The following CAST variants were observed in gnomAD, a reference collection of about 807,000 sequenced individuals.
CAST encodes calpastatin, also known as MIR583 host.
In CAST, 76 loss-of-function variants were observed where a neutral mutation model predicts 119.6. The observed-to-expected ratio is 0.64, with a 90% CI of 0.53 to 0.77. CAST has a LOEUF of 0.77. Among genes scored for constraint, CAST ranks in the 30% least tolerant of loss-of-function variants. CAST has a pLI of 0.00. For synonymous variants in CAST, 319 were observed against 331.6 expected (o/e 0.96, Z 0.41); for missense variants, 953 against 946.5 (o/e 1.01, Z -0.09).
rs999164367 is a variant in CAST, at chr5:96,688,705, G to A, written c.139-7131G>A. The stretch of plus-strand genomic sequence containing the variant: ...TAAAAATAGGAAAAAACTGAAATTA[G>A]TTGTCTTGGATGACAGGATTTTAAG... On this transcript the variant is annotated intron_variant, in intron 2 of 31. Coordinates refer to ENST00000675179, the MANE Select transcript of CAST (RefSeq NM_001750.7). Among the ~76,000 whole-genome samples, 13 of 152,186 alleles carry A rather than the reference G, an allele frequency of 8.5e-5. No individual in the cohort carries two copies. The East Asian group carries it at 2.5e-3, about 29-fold the overall frequency.
At chr5:96,577,977 T>C (rs1055620395) in intron 1 of CAST, among the ~76,000 whole-genome samples, 1 of 152,196 alleles carries the variant, frequency 6.6e-6, no homozygotes, top group Non-Finnish European at 1.5e-5. Context: ...TCAGATCTTC[T>C]ATATCCTTGC....
the CAST span, among the ~76,000 whole-genome samples, chr5:96,459,761 C>T: frequency 6.6e-6 from 1 of 152,278 alleles, no homozygotes; most frequent in African/African-American, 2.4e-5. Context: ...ACTAATAGAA[C>T]ATATTTGTCT....
the CAST span, among the ~76,000 whole-genome samples, chr5:96,177,970 A>T: frequency 6.6e-6 from 1 of 152,366 alleles, no homozygotes; most frequent in Non-Finnish European, 1.5e-5. Context: ...CAATTGACAT[A>T]AAATATATCT....
chr5:96,238,350 T>TTCTTCTTCTTCA, the CAST span, among the ~76,000 whole-genome samples: 1 of 78,708 alleles, frequency 1.3e-5, no homozygotes, highest in Non-Finnish European at 3.0e-5. Flanking sequence ...CTTCTTCATC[T>TTCTTCTTCTTCA]TCATCTTCTT....
At chr5:96,676,836 C>T (rs976130980) in intron 2 of CAST, among the ~76,000 whole-genome samples, 1 of 151,534 alleles carries the variant, frequency 6.6e-6, no homozygotes, top group Non-Finnish European at 1.5e-5. Flanking sequence ...GGGTGGATCA[C>T]GAGGTCAGGA....
chr5:96,024,998 C>T, the CAST span, among the ~76,000 whole-genome samples: 1 of 152,130 alleles, frequency 6.6e-6, no homozygotes, highest in Non-Finnish European at 1.5e-5. Context: ...CGTTTTTCTG[C>T]TCCTGAGTCT....
chr5:96,553,769 CAGAG>C (rs1262435574), intron 1 of CAST, among the ~76,000 whole-genome samples: 1 of 152,166 alleles, frequency 6.6e-6, no homozygotes, highest in Admixed American at 6.5e-5. Flanking sequence ...AACAGACAAA[CAGAG>C]AGCCAAATCA....
At chr5:96,458,544 A>G in the CAST span, among the ~76,000 whole-genome samples, 1 of 152,196 alleles carries the variant, frequency 6.6e-6, no homozygotes, top group South Asian at 2.1e-4. Flanking sequence ...CAATTTAATA[A>G]AAGAAAGAAT....
chr5:96,192,682 C>T, the CAST span, among the ~76,000 whole-genome samples: 2 of 152,320 alleles, frequency 1.3e-5, no homozygotes, highest in South Asian at 4.1e-4. Flanking sequence ...ACCCCATCAA[C>T]GTCAGACTTG....
At chr5:96,413,901 C>T in the CAST span, among the ~76,000 whole-genome samples, 8 of 141,364 alleles carry the variant, frequency 5.7e-5, no homozygotes, top group South Asian at 1.1e-3. Flanking sequence ...GGGCGGATCA[C>T]GAGGTCAAGA....
the CAST span, among the ~76,000 whole-genome samples, chr5:96,006,857 T>A: frequency 6.6e-6 from 1 of 152,202 alleles, no homozygotes; most frequent in Admixed American, 6.5e-5. Flanking sequence ...TTTTAAGAAC[T>A]GGACATTGCA....
the CAST span, among the ~76,000 whole-genome samples, chr5:96,313,197 A>G: frequency 6.6e-6 from 1 of 152,152 alleles, no homozygotes; most frequent in South Asian, 2.1e-4. Context: ...ATTTTGTTTT[A>G]AGATATAATT....
At chr5:96,012,309 C>A in the CAST span, among the ~76,000 whole-genome samples, 1 of 151,808 alleles carries the variant, frequency 6.6e-6, no homozygotes, top group African/African-American at 2.4e-5. Flanking sequence ...TTTTGATATA[C>A]TTCTTAAGTT....
At chr5:95,973,778 T>C in the CAST span, among the ~76,000 whole-genome samples, 1 of 152,138 alleles carries the variant, frequency 6.6e-6, no homozygotes, top group African/African-American at 2.4e-5. Flanking sequence ...AAGAAACAAA[T>C]TCTCTCAAGC....
At chr5:96,332,477 G>C in the CAST span, among the ~76,000 whole-genome samples, 2 of 151,586 alleles carry the variant, frequency 1.3e-5, no homozygotes, top group African/African-American at 4.9e-5. Context: ...CTTATCCTAA[G>C]TAGTGGGTGA....
At chr5:96,258,533 A>G in the CAST span, among the ~76,000 whole-genome samples, 1 of 152,028 alleles carries the variant, frequency 6.6e-6, no homozygotes, top group Non-Finnish European at 1.5e-5. Flanking sequence ...GTTCCTCCTC[A>G]CCCTTTCAAA....
intron 1 of CAST, among the ~76,000 whole-genome samples, chr5:96,673,022 G>T (rs1384372867): frequency 6.6e-6 from 1 of 152,178 alleles, no homozygotes; most frequent in Non-Finnish European, 1.5e-5. Context: ...TGGAGAGCAT[G>T]GAACCTTGTA....
At chr5:96,736,114 A>G in intron 9 of CAST, 58 bp from the exon 10 acceptor site, 1 of 1,012,234 alleles carries the variant, frequency 9.9e-7, no homozygotes, top group Non-Finnish European at 1.5e-6. Context: ...AAAATTTGTA[A>G]TAGTATTGAG....
the CAST span, among the ~76,000 whole-genome samples, chr5:96,058,051 A>AAT: frequency 6.6e-6 from 1 of 152,034 alleles, no homozygotes; most frequent in South Asian, 2.1e-4. Flanking sequence ...TTCTATTTAA[A>AAT]ATATGTGTGT....
Sources: allele counts gnomAD v4.1 joint callset (sites outside exome capture counted in the v4.1 genomes callset), GRCh38; gene constraint gnomAD v4.1.1; transcripts MANE v1.5; gene names NCBI Gene and HGNC (gene_info 2026-07-23, HGNC 2026-07-21).